CDC34: variants seen among roughly 807,000 people sequenced by gnomAD.
The protein encoded by CDC34 is ubiquitin-conjugating enzyme E2 R1.
CDC34 carries 18 observed loss-of-function variants against 26.8 expected under a neutral mutation model. The observed-to-expected ratio is 0.67, with a 90% confidence interval of 0.47 to 1.00. The LOEUF is 1.00. Among genes scored for constraint, CDC34 ranks in the 50% least tolerant of loss-of-function variants. The pLI, the probability that CDC34 is intolerant of heterozygous loss-of-function variation, is 0.00. For missense variants in CDC34, 280 were observed against 334.5 expected (o/e 0.84, Z 1.27); for synonymous variants, 178 against 147.5 (o/e 1.21, Z -1.50).
chr19:538,167 G>A (rs970847150), intron 4 of CDC34, among the ~76,000 whole-genome samples: 1 of 152,150 alleles, frequency 6.6e-6, no homozygotes, highest in African/African-American at 2.4e-5. Context: ...GAAAAAATGG[G>A]GTCGTGCTGT....
At position 531,973 on chromosome 19, in the gene CDC34, G is replaced by A; in HGVS notation, c.42G>A (p.Leu14=). Residue 14 remains leucine, a synonymous_variant, in exon 1 of 5, where the codon CTG becomes CTA. Coordinates refer to ENST00000215574, the MANE Select transcript of CDC34 (RefSeq NM_004359.2). ...TGCCCAGCTCGCAGAAGGCGCTGCT[G>A]CTGGAGCTCAAGGGGCTGCAGGAAG... ...PLVPSSQKAL[L]LELKGLQEEP... 6.8e-7 allele frequency: 1 copy of A among 1,479,688 alleles called. No individual in the cohort carries two copies. Among genetic ancestry groups the A allele is most frequent in the Non-Finnish European group, 8.9e-7 (1 of 1,121,588 alleles). The allele number at this position is 1,479,688 out of a possible 1,614,324, so 91.7% of individuals were successfully genotyped here.
At chr19:536,863 T>C (rs1979778566) in intron 3 of CDC34, 150 bp from the exon 4 acceptor site, 1 of 809,380 alleles carries the variant, frequency 1.2e-6, no homozygotes, top group Non-Finnish European at 2.0e-6. Flanking sequence ...CCTGCTGTTC[T>C]GGGGGCCTGA....
rs762703606 is a variant in CDC34, at chr19:541,443, A to G, written c.602A>G (p.Glu201Gly). 6.2e-7 allele frequency: 1 copy of G among 1,612,876 alleles called. No individual in the cohort carries two copies. Among genetic ancestry groups the G allele is most frequent in the Admixed American group, 1.7e-5 (1 of 60,010 alleles). ...AAGACCAAGGCGCCGGCGCCCGACG[A>G]GGGCTCAGACCTCTTCTACGACGAC... ...CVKTKAPAPD[E>G]GSDLFYDDYY... The change falls in exon 5 of 5, where the codon GAG becomes GGG. Residue 201 changes from glutamate (E) to glycine (G), a missense_variant. By Grantham distance (98) the Glu-to-Gly change is moderately conservative. Coordinates refer to ENST00000215574, the MANE Select transcript of CDC34 (RefSeq NM_004359.2).
At chr19:532,457 G>C (rs905095657) in intron 1 of CDC34, among the ~76,000 whole-genome samples, 1 of 152,302 alleles carries the variant, frequency 6.6e-6, no homozygotes, top group East Asian at 1.9e-4. Flanking sequence ...CTTGGCGGGG[G>C]CTGGACCCCG....
At chr19:536,010 G>C in intron 2 of CDC34, 87 bp downstream of exon 2, 1 of 1,332,824 alleles carries the variant, frequency 7.5e-7, no homozygotes, top group Non-Finnish European at 1.1e-6. Flanking sequence ...TCCGGGACCC[G>C]GGGCGCTGGG....
chr19:538,983 C>T, intron 4 of CDC34: 2 of 985,342 alleles, frequency 2.0e-6, no homozygotes, highest in Non-Finnish European at 1.2e-6. Flanking sequence ...GAGGCACCAC[C>T]TCCTTGAGAT....
chr19:537,521 T>A (rs1379392486), intron 4 of CDC34, among the ~76,000 whole-genome samples: 2 of 151,924 alleles, frequency 1.3e-5, no homozygotes, highest in Non-Finnish European at 2.9e-5. Flanking sequence ...CCCGGCTAAT[T>A]TTTTGTATTT....
At position 541,775 on chromosome 19, in the gene CDC34, C is replaced by T. The variant is rs572034401; in HGVS notation, c.*223C>T. ...GTCACTCGGGGCTCGGTGGACGGGC[C>T]CAGGGTGGGAGCGGCCGGCCCACCT... On this transcript the variant is annotated 3_prime_UTR_variant, in exon 5 of 5. Transcript: ENST00000215574. 2.7e-4 allele frequency: 112 copies of T among 419,106 alleles called. No homozygotes were observed. The highest frequency in any genetic ancestry group is 3.6e-4 in the Non-Finnish European group (87 of 242,066). 26.0% of individuals were successfully genotyped at this position (419,106 alleles called of 1,614,324 possible). A position where few individuals can be genotyped will look rare whatever the true frequency, so the allele number is the denominator to read the frequency against.
At position 532,047 on chromosome 19, in the gene CDC34, A is replaced by T; in HGVS notation, c.116A>T (p.Tyr39Phe). The T allele has an allele frequency of 6.6e-7, 1 of 1,522,620 alleles. No homozygotes were observed. Among genetic ancestry groups the T allele is most frequent in the Non-Finnish European group, 8.7e-7 (1 of 1,144,164 alleles). 94.3% of individuals were successfully genotyped at this position (1,522,620 alleles called of 1,614,324 possible). A position where few individuals can be genotyped will look rare whatever the true frequency, so the allele number is the denominator to read the frequency against. The change falls in exon 1 of 5, where the codon TAC (tyrosine) becomes TTC (phenylalanine). Residue 39 changes from tyrosine (Y) to phenylalanine (F), a missense_variant. Tyr to Phe is a conservative substitution (Grantham distance 22). Transcript: ENST00000215574. ...RVTLVDEGDL[Y>F]NWEVAIFGPP... ...ACACTGGTGGACGAGGGCGATCTATACAACTGGGAGGTGGCCATCTTCGGG... is the reference window on the plus strand; with the variant it reads ...ACACTGGTGGACGAGGGCGATCTATTCAACTGGGAGGTGGCCATCTTCGGG...
At chr19:541,094 G>A (rs2145853483) in intron 4 of CDC34, 1 of 482,706 alleles carries the variant, frequency 2.1e-6, no homozygotes, top group East Asian at 3.4e-5. Flanking sequence ...GGCGGGGCAG[G>A]CGGGTGTGAC....
rs761263398 is a variant in CDC34 at position 536,207 on chromosome 19, CTCTGACCTGT to C, written c.265-25_265-16del. Reference sequence around the variant, plus strand: ...TGGGGCACTGGGAGCCCGTGCTGACCTCTGACCTGTTCTGACCTGTCTTCTTCTTGTGCAG... The same window carrying C: ...TGGGGCACTGGGAGCCCGTGCTGACCTCTGACCTGTCTTCTTCTTGTGCAG... On this transcript the variant is annotated intron_variant, in intron 2 of 4. Transcript: ENST00000215574. 4 of 1,549,626 alleles carry C rather than the reference CTCTGACCTGT, an allele frequency of 2.6e-6. No individual in the cohort carries two copies. The African/African-American group carries it at 4.1e-5, about 16-fold the overall frequency.
intron 4 of CDC34, among the ~76,000 whole-genome samples, chr19:539,809 A>G (rs537323814): frequency 6.6e-6 from 1 of 152,270 alleles, no homozygotes; most frequent in Non-Finnish European, 1.5e-5. Context: ...CTGGGGGGAC[A>G]TTCTTGACGC....
At chr19:539,556 ACTGGGCTTGTGGG>A (rs778179815) in intron 4 of CDC34, among the ~76,000 whole-genome samples, 37 of 152,322 alleles carry the variant, frequency 2.4e-4, no homozygotes, top group Non-Finnish European at 4.4e-4. Context: ...CATAAAAAGC[ACTGGGCTTGTGGG>A]CTGGGCTTGG....
chr19:537,565 G>A (rs1046367080), intron 4 of CDC34, among the ~76,000 whole-genome samples: 1 of 151,496 alleles, frequency 6.6e-6, no homozygotes, highest in Non-Finnish European at 1.5e-5. Context: ...TGTTAGCCAG[G>A]ATGGTCTCGA....
rs1188580719 is a variant in CDC34, at chr19:531,981, T to C, written c.50T>C (p.Leu17Pro). The C allele has an allele frequency of 1.3e-6, 2 of 1,486,024 alleles. No homozygotes were observed. The highest frequency in any genetic ancestry group is 8.9e-7 in the Non-Finnish European group (1 of 1,125,250). 92.1% of individuals were successfully genotyped at this position (1,486,024 alleles called of 1,614,324 possible). A position where few individuals can be genotyped will look rare whatever the true frequency, so the allele number is the denominator to read the frequency against. The change falls in exon 1 of 5, where the codon CTC becomes CCC. Residue 17 changes from leucine to proline, a missense_variant. Coordinates refer to ENST00000215574, the MANE Select transcript of CDC34 (RefSeq NM_004359.2). ...TCGCAGAAGGCGCTGCTGCTGGAGC[T>C]CAAGGGGCTGCAGGAAGAGCCGGTC... Reference protein sequence around the residue: ...PSSQKALLLELKGLQEEPVEG... With the variant: ...PSSQKALLLEPKGLQEEPVEG...
intron 1 of CDC34, among the ~76,000 whole-genome samples, chr19:534,230 C>G (rs1979621795): frequency 6.6e-6 from 1 of 152,102 alleles, no homozygotes; most frequent in Non-Finnish European, 1.5e-5. Context: ...AAGTTCCAGC[C>G]TTGCTCTGTG....
chr19:533,370 A>T (rs1979586323), intron 1 of CDC34, among the ~76,000 whole-genome samples: 1 of 152,158 alleles, frequency 6.6e-6, no homozygotes. Context: ...TCTCCGAGCT[A>T]ATTAGTGTCT....
At position 531,861 on chromosome 19, in the gene CDC34, G is replaced by A; in HGVS notation, c.-71G>A. The A allele has an allele frequency of 1.9e-6, 2 of 1,033,184 alleles. No individual in the cohort carries two copies. Among genetic ancestry groups the A allele is most frequent in the Non-Finnish European group, 2.5e-6 (2 of 815,998 alleles). The allele number at this position is 1,033,184 out of a possible 1,614,324, so 64.0% of individuals were successfully genotyped here. A position where few individuals can be genotyped will look rare whatever the true frequency, so the allele number is the denominator to read the frequency against. On this transcript the variant is annotated 5_prime_UTR_variant, in exon 1 of 5. Transcript: ENST00000215574. ...TCCCCCCCGGACGGTGCGCGGCCCGGCCCGTCTCGCGAACTCGCGGTGGTC... is the reference window on the plus strand; with the variant it reads ...TCCCCCCCGGACGGTGCGCGGCCCGACCCGTCTCGCGAACTCGCGGTGGTC...
At chr19:538,982 C>A in intron 4 of CDC34, 1 of 985,364 alleles carries the variant, frequency 1.0e-6, no homozygotes, top group Non-Finnish European at 1.2e-6. Flanking sequence ...TGAGGCACCA[C>A]CTCCTTGAGA....
Sources: allele counts gnomAD v4.1 joint callset (sites outside exome capture counted in the v4.1 genomes callset), GRCh38; gene constraint gnomAD v4.1.1; transcripts MANE v1.5; gene names NCBI Gene and HGNC (gene_info 2026-07-23, HGNC 2026-07-21).